The following CPLANE1 variants were observed in gnomAD, a reference collection of about 807,000 sequenced individuals.
CPLANE1 encodes ciliogenesis and planar polarity effector 1.
CPLANE1 carries 263 observed loss-of-function variants against 362.5 expected under a neutral mutation model. That is an observed-to-expected ratio of 0.73 (90% CI 0.66 to 0.80). The LOEUF (loss-of-function observed/expected upper bound fraction) is 0.80. Among genes scored for constraint, CPLANE1 ranks in the 30% least tolerant of loss-of-function variants. The pLI is 0.00. For synonymous variants in CPLANE1, 1,212 were observed against 1,302.6 expected (o/e 0.93, Z 1.50); for missense variants, 3,461 against 3,793.4 (o/e 0.91, Z 2.30).
the CPLANE1 span, among the ~76,000 whole-genome samples, chr5:37,090,225 C>A: frequency 6.6e-6 from 1 of 152,146 alleles, no homozygotes; most frequent in Non-Finnish European, 1.5e-5. Flanking sequence ...CGCATTGATC[C>A]ACGTTATTCA....
chr5:37,169,267 G>C lies in CPLANE1; in HGVS notation c.6757C>G (p.Pro2253Ala). The part of the protein sequence containing the change: ...TGSIPQVPFR[P>A]LPQPREAWGL... Reference sequence around the variant, plus strand: ...CAAGCCTCTCTTGGTTGTGGCAAAGGCCTGAAGGGAACTTGTGGAATACTT... The same window carrying C: ...CAAGCCTCTCTTGGTTGTGGCAAAGCCCTGAAGGGAACTTGTGGAATACTT... The change falls in exon 34 of 53, where the codon CCT (proline) becomes GCT (alanine). Residue 2253 changes from proline (P) to alanine (A), a missense_variant. Physicochemically the swap from Pro to Ala is conservative, Grantham distance 27. Transcript: ENST00000651892. 6.2e-7 allele frequency: 1 copy of C among 1,614,186 alleles called. No individual in the cohort carries two copies. Among genetic ancestry groups the C allele is most frequent in the South Asian group, 1.1e-5 (1 of 91,086 alleles).
In CPLANE1 at chr5:37,238,914, C is replaced by T; in HGVS notation, c.881G>A (p.Cys294Tyr). 6.5e-7 allele frequency: 1 copy of T among 1,534,084 alleles called. No individual in the cohort carries two copies. ...GTTACTACATCCTTTAAGGCTACCACAGAGAGTAACAAAATTCAGTGTGTT... is the reference window on the plus strand; with the variant it reads ...GTTACTACATCCTTTAAGGCTACCATAGAGAGTAACAAAATTCAGTGTGTT... ...FINTLNFVTL[C>Y]GSLKGCSNKS... The change falls in exon 8 of 53, where the codon TGT becomes TAT. Residue 294 changes from cysteine to tyrosine, a missense_variant. Coordinates refer to ENST00000651892, the MANE Select transcript of CPLANE1 (RefSeq NM_001384732.1).
At chr5:37,125,825 A>T (rs1477293620) in intron 46 of CPLANE1, among the ~76,000 whole-genome samples, 1 of 152,220 alleles carries the variant, frequency 6.6e-6, no homozygotes, top group Non-Finnish European at 1.5e-5. Context: ...TTTATAGAGT[A>T]CATGAGATAT....
rs557566681 is a variant in CPLANE1, at chr5:37,244,778, T to G, written c.338-171A>C. 8.5e-5 allele frequency among the ~76,000 whole-genome samples: 13 copies of G among 152,168 alleles called. No homozygotes were observed. In the East Asian group the frequency reaches 2.5e-3, roughly 29 times the overall value. Reference sequence around the variant, plus strand: ...CAATCCAGGCACGGCAGCTCATGCCTGTAATCCCAGCACTTTGGGAGGCTT... The same window carrying G: ...CAATCCAGGCACGGCAGCTCATGCCGGTAATCCCAGCACTTTGGGAGGCTT... On this transcript the variant is annotated intron_variant, in intron 4 of 52. Coordinates refer to ENST00000651892, the MANE Select transcript of CPLANE1 (RefSeq NM_001384732.1).
chr5:37,172,637 G>T (rs1471355819), intron 32 of CPLANE1, among the ~76,000 whole-genome samples: 1 of 152,196 alleles, frequency 6.6e-6, no homozygotes, highest in African/African-American at 2.4e-5. Context: ...TAAGTTTCAT[G>T]GGACAGGGGG....
At chr5:37,236,800 A>C (rs533381231) in intron 8 of CPLANE1, among the ~76,000 whole-genome samples, 129 of 152,184 alleles carry the variant, frequency 8.5e-4, no homozygotes, top group Non-Finnish European at 1.6e-3. Flanking sequence ...CAATCAGCCA[A>C]TAAACATATG....
chr5:37,079,505 G>A, the CPLANE1 span, among the ~76,000 whole-genome samples: 5 of 152,080 alleles, frequency 3.3e-5, no homozygotes, highest in African/African-American at 1.2e-4. Flanking sequence ...CCTTCAGGTA[G>A]GCAACTCACT....
chr5:37,100,112 CA>C, the CPLANE1 span, among the ~76,000 whole-genome samples: 5 of 152,044 alleles, frequency 3.3e-5, no homozygotes, highest in African/African-American at 1.2e-4. Context: ...CTATTTAGTT[CA>C]ATTAGATCCC....
intron 15 of CPLANE1, among the ~76,000 whole-genome samples, chr5:37,215,891 G>A (rs1030698266): frequency 2.0e-5 from 3 of 151,720 alleles, no homozygotes; most frequent in Admixed American, 6.6e-5. Flanking sequence ...GAGTGCAGTG[G>A]CACATTCTCA....
chr5:37,092,330 A>C, the CPLANE1 span, among the ~76,000 whole-genome samples: 1 of 152,238 alleles, frequency 6.6e-6, no homozygotes. Flanking sequence ...GTATCTGCCC[A>C]AACACAATTA....
At chr5:37,173,720 T>A (rs756740028) in intron 32 of CPLANE1, 35 bp downstream of exon 32, 2 of 1,536,906 alleles carry the variant, frequency 1.3e-6, no homozygotes, top group Admixed American at 1.7e-5. Context: ...GTACACTATG[T>A]GTAGATTTAC....
rs894787144 is a variant in CPLANE1 at position 37,248,092 on chromosome 5, C to CTGAAGA, written c.-47-353_-47-348dup. ...GGCACGATCCACTGCGCATGGACCA[C>CTGAAGA]TGAAGATCTTAACTGACAATTTTCA... On this transcript the variant is annotated intron_variant, in intron 1 of 52. Coordinates refer to ENST00000651892, the MANE Select transcript of CPLANE1 (RefSeq NM_001384732.1). 5.3e-5 allele frequency among the ~76,000 whole-genome samples: 8 copies of CTGAAGA among 150,300 alleles called. 1 individual carries two copies. The highest frequency in any genetic ancestry group is 1.5e-4 in the African/African-American group (6 of 40,832).
intron 8 of CPLANE1, among the ~76,000 whole-genome samples, chr5:37,235,972 T>A (rs1798907724): frequency 6.7e-6 from 1 of 149,900 alleles, no homozygotes; most frequent in African/African-American, 2.5e-5. Context: ...AGGGTTCAAG[T>A]GATTCTCTTG....
the CPLANE1 span, among the ~76,000 whole-genome samples, chr5:37,100,905 T>C: frequency 2.0e-5 from 3 of 152,198 alleles, no homozygotes; most frequent in Non-Finnish European, 4.4e-5. Flanking sequence ...AATTTGGTTG[T>C]CTGCTTGTCT....
At chr5:37,151,801 T>G (rs925578573) in intron 42 of CPLANE1, among the ~76,000 whole-genome samples, 2 of 151,760 alleles carry the variant, frequency 1.3e-5, no homozygotes, top group African/African-American at 4.8e-5. Context: ...GTAATCCCAG[T>G]ACTTTGGGAG....
the CPLANE1 span, among the ~76,000 whole-genome samples, chr5:37,092,452 C>A: frequency 2.6e-5 from 4 of 152,186 alleles, no homozygotes; most frequent in African/African-American, 9.7e-5. Flanking sequence ...TGCTAAAGGA[C>A]AAAACTGGGA....
the CPLANE1 span, chr5:37,085,249 T>G: frequency 7.0e-6 from 6 of 851,250 alleles, no homozygotes; most frequent in Admixed American, 1.0e-4. Context: ...AAGATTTGCA[T>G]GCAGGGGTTC....
In CPLANE1 at chr5:37,153,812, T is replaced by C; in HGVS notation, c.8301A>G (p.Ala2767=). ...KLQKIDEQLL[A]IQNIAENIEQ... ...CTATGTTTTCAGCAATGTTCTGTATTGCTAGCAACTGCTCGTCAATTTTCT... is the reference window on the plus strand; with the variant it reads ...CTATGTTTTCAGCAATGTTCTGTATCGCTAGCAACTGCTCGTCAATTTTCT... The change falls in exon 42 of 53, where the codon GCA becomes GCG. Residue 2767 remains alanine, a synonymous_variant. Coordinates refer to ENST00000651892, the MANE Select transcript of CPLANE1 (RefSeq NM_001384732.1). 1 of 1,614,146 alleles carries C rather than the reference T, an allele frequency of 6.2e-7. No individual in the cohort carries two copies. The highest frequency in any genetic ancestry group is 8.5e-7 in the Non-Finnish European group (1 of 1,180,020).
chr5:37,104,353 T>C (rs1757442397), downstream of CPLANE1, among the ~76,000 whole-genome samples: 2 of 152,040 alleles, frequency 1.3e-5, no homozygotes, highest in African/African-American at 2.4e-5. Context: ...ATCCCAGCAC[T>C]TTGGGAGGTC....
Sources: gnomAD v4.1 joint callset for allele counts (sites outside exome capture counted in the v4.1 genomes callset) on GRCh38, gnomAD v4.1.1 for gene constraint, MANE v1.5 for transcripts, NCBI Gene and HGNC (gene_info 2026-07-23, HGNC 2026-07-21) for gene names.